The following DISC1 variants were observed in gnomAD, a reference collection of about 807,000 sequenced individuals.
The protein encoded by DISC1 is disrupted in schizophrenia 1 protein.
Under a neutral mutation model 84.5 loss-of-function variants are expected in DISC1, and 57 were observed. The observed-to-expected ratio is 0.67, with a 90% CI of 0.55 to 0.84. DISC1 has a LOEUF of 0.84. Ranked by LOEUF, DISC1 falls within the 40% of genes least tolerant of loss-of-function variation. The pLI is 0.00. For missense variants in DISC1, 1,000 were observed against 1,057.8 expected (o/e 0.95, Z 0.76); for synonymous variants, 411 against 415.2 (o/e 0.99, Z 0.12).
intron 9 of DISC1, among the ~76,000 whole-genome samples, chr1:231,947,126 A>G (rs1657389219): frequency 1.3e-5 from 2 of 149,556 alleles, no homozygotes. Context: ...ATACAGAACC[A>G]AAGAAAGAGC....
chr1:231,739,473 C>T (rs2072963562), intron 3 of DISC1, among the ~76,000 whole-genome samples: 1 of 152,250 alleles, frequency 6.6e-6, no homozygotes, highest in African/African-American at 2.4e-5. Flanking sequence ...CCAGATGCCT[C>T]TGTGTGGCAG....
intron 9 of DISC1, among the ~76,000 whole-genome samples, chr1:231,829,867 TGG>T (rs577936531): frequency 1.1e-5 from 1 of 87,762 alleles, no homozygotes; most frequent in Non-Finnish European, 2.3e-5. Flanking sequence ...CGGGCAGGAG[TGG>T]GGGGGTCACA....
chr1:231,925,841 A>G (rs2090330930), intron 9 of DISC1: 2 of 152,308 alleles, frequency 1.3e-5, no homozygotes, highest in South Asian at 4.1e-4. Flanking sequence ...GCTGACAACC[A>G]CCAGAAGCTG....
rs2070107215 is a variant in DISC1, at chr1:231,723,204, T to G, written c.1117+21180T>G. The G allele has an allele frequency of 1.3e-5, 11 of 877,440 alleles. 1 individual carries two copies. The highest frequency in any genetic ancestry group is 1.5e-5 in the Non-Finnish European group (11 of 728,758). The allele number at this position is 877,440 out of a possible 1,614,324, so 54.4% of individuals were successfully genotyped here. A position where few individuals can be genotyped will look rare whatever the true frequency, so the allele number is the denominator to read the frequency against. On this transcript the variant is annotated intron_variant, in intron 3 of 12. Coordinates refer to ENST00000439617, the MANE Select transcript of DISC1 (RefSeq NM_018662.3). The stretch of plus-strand genomic sequence containing the variant: ...GCGAATGCTGTATTTTTGATTCATG[T>G]TGGATTAAGGATCTGGAACCCCTGA...
At chr1:231,700,218 G>T (rs2066240549) in intron 2 of DISC1, among the ~76,000 whole-genome samples, 1 of 152,174 alleles carries the variant, frequency 6.6e-6, no homozygotes, top group South Asian at 2.1e-4. Flanking sequence ...GGTTTGAGCT[G>T]CAAGGGTCAC....
intron 12 of DISC1, among the ~76,000 whole-genome samples, chr1:232,029,905 G>A (rs764240273): frequency 6.6e-5 from 10 of 152,214 alleles, no homozygotes; most frequent in Non-Finnish European, 1.5e-4. Flanking sequence ...AGCCTCATGG[G>A]TGTCTCCTAC....
intron 1 of DISC1, among the ~76,000 whole-genome samples, chr1:231,683,901 C>T (rs1339449761): frequency 6.6e-6 from 1 of 152,134 alleles, no homozygotes; most frequent in Non-Finnish European, 1.5e-5. Context: ...TTCTGAACTT[C>T]TTCAAGCTGG....
chr1:232,015,774 A>T (rs1024379667), intron 11 of DISC1, among the ~76,000 whole-genome samples: 2 of 152,150 alleles, frequency 1.3e-5, no homozygotes, highest in African/African-American at 4.8e-5. Context: ...TGCCTTTTTC[A>T]GTGAATCGTT....
chr1:231,872,016 C>T (rs1366357555), intron 9 of DISC1, among the ~76,000 whole-genome samples: 2 of 152,166 alleles, frequency 1.3e-5, no homozygotes, highest in South Asian at 2.1e-4. Context: ...CTCTTGGGGA[C>T]TCTGCCAGGC....
At chr1:231,679,981 AC>A (rs1443651836) in intron 1 of DISC1, among the ~76,000 whole-genome samples, 36 of 152,128 alleles carry the variant, frequency 2.4e-4, no homozygotes, top group African/African-American at 8.7e-4. Context: ...TAATCCCAGC[AC>A]TTTGGGAGGC....
chr1:231,823,783 C>T (rs2081662721), intron 9 of DISC1, among the ~76,000 whole-genome samples: 1 of 152,048 alleles, frequency 6.6e-6, no homozygotes, highest in African/African-American at 2.4e-5. Flanking sequence ...GACCAACTAC[C>T]TCTAGGAAAA....
intron 5 of DISC1, among the ~76,000 whole-genome samples, chr1:231,769,880 G>A (rs1359382392): frequency 6.6e-6 from 1 of 152,176 alleles, no homozygotes; most frequent in Non-Finnish European, 1.5e-5. Context: ...CAGTAATACT[G>A]TAATCTTGGA....
chr1:231,743,543 T>G (rs2073593605), intron 3 of DISC1, among the ~76,000 whole-genome samples: 2 of 152,230 alleles, frequency 1.3e-5, no homozygotes, highest in Non-Finnish European at 2.9e-5. Context: ...AGTTTTGATT[T>G]TGTAGAACAA....
At chr1:231,880,582 C>T (rs1429787358) in intron 9 of DISC1, among the ~76,000 whole-genome samples, 3 of 152,098 alleles carry the variant, frequency 2.0e-5, no homozygotes, top group Non-Finnish European at 4.4e-5. Context: ...CCGACAGGTT[C>T]GTATGCCCAC....
intron 1 of DISC1, among the ~76,000 whole-genome samples, chr1:231,668,706 G>A (rs2062262974): frequency 1.3e-5 from 2 of 152,084 alleles, no homozygotes; most frequent in African/African-American, 4.8e-5. Flanking sequence ...CTAATTATGG[G>A]GAGTGATTTT....
chr1:231,682,984 C>T (rs1253065648), intron 1 of DISC1, among the ~76,000 whole-genome samples: 3 of 152,178 alleles, frequency 2.0e-5, no homozygotes, highest in Non-Finnish European at 4.4e-5. Flanking sequence ...GAAAGTGAGA[C>T]GCTGGTGCCA....
chr1:231,910,586 T>C (rs188758035), intron 9 of DISC1, among the ~76,000 whole-genome samples: 19 of 152,332 alleles, frequency 1.2e-4, no homozygotes, highest in Non-Finnish European at 2.2e-4. Context: ...AGGAGTGCTT[T>C]ACTTCCAACT....
intron 1 of DISC1, among the ~76,000 whole-genome samples, chr1:231,654,786 C>G (rs1057487590): frequency 6.6e-6 from 1 of 152,086 alleles, no homozygotes; most frequent in African/African-American, 2.4e-5. Flanking sequence ...ATAGCAAATC[C>G]CTAAGTTTTT....
intron 4 of DISC1, among the ~76,000 whole-genome samples, chr1:231,766,523 T>C (rs952259712): frequency 6.6e-6 from 1 of 152,146 alleles, no homozygotes; most frequent in African/African-American, 2.4e-5. Context: ...ACCTTCTCAT[T>C]GACTAGTGAC....
Sources: gnomAD v4.1 joint callset for allele counts (sites outside exome capture counted in the v4.1 genomes callset) on GRCh38, gnomAD v4.1.1 for gene constraint, MANE v1.5 for transcripts, NCBI Gene and HGNC (gene_info 2026-07-23, HGNC 2026-07-21) for gene names.